The following ZNF850 variants were observed in gnomAD, a reference collection of about 807,000 sequenced individuals.
ZNF850 encodes the protein zinc finger protein 850.
ZNF850 carries 2 observed loss-of-function variants against 11.9 expected under a neutral mutation model. The observed-to-expected ratio is 0.17, with a 90% confidence interval of 0.07 to 0.53. The LOEUF (loss-of-function observed/expected upper bound fraction) is 0.53, where lower values mean the gene tolerates loss of function less well. Ranked by LOEUF, ZNF850 falls within the 20% of genes least tolerant of loss-of-function variation. ZNF850 has a pLI of 0.94. For missense variants in ZNF850, 1,014 were observed against 1,316.4 expected (o/e 0.77, Z 3.55); for synonymous variants, 381 against 443.0 (o/e 0.86, Z 1.76).
chr19:36,762,767 T>C (rs893750279), intron 1 of ZNF850, 92 bp from the exon 2 acceptor site: 53 of 700,098 alleles, frequency 7.6e-5, no homozygotes, highest in Middle Eastern at 2.4e-4. Flanking sequence ...CTAGCAAAGC[T>C]GAAAGAATAT....
In ZNF850 at chr19:36,770,703, CAAAAAAAAAAAAAAAAA is replaced by C. The variant is rs567709722; in HGVS notation, c.-70+2005_-70+2021del. Among the ~76,000 whole-genome samples, 111 of 66,610 alleles carry C rather than the reference CAAAAAAAAAAAAAAAAA, an allele frequency of 1.7e-3. 2 individuals are homozygous for C. Among genetic ancestry groups the C allele is most frequent in the Non-Finnish European group, 2.6e-3 (82 of 31,918 alleles). The allele number at this position is 66,610 out of a possible 152,430, so 43.7% of individuals were successfully genotyped here. ...TCTGGGCGACAGAGAGAGACTCCAT[CAAAAAAAAAAAAAAAAA>C]AAAAAAAAAAAAAAAAAAGCCAGCA... On this transcript the variant is annotated intron_variant, in intron 1 of 4. Coordinates refer to ENST00000591344, the MANE Select transcript of ZNF850 (RefSeq NM_001193552.2).
intron 4 of ZNF850, among the ~76,000 whole-genome samples, chr19:36,760,554 G>A (rs2040511973): frequency 6.6e-6 from 1 of 150,806 alleles, no homozygotes; most frequent in Non-Finnish European, 1.5e-5. Flanking sequence ...TTTTTTTTAA[G>A]TCAATAAATT....
In ZNF850 at chr19:36,749,194, G is replaced by A. The variant is rs1440892548; in HGVS notation, c.1846C>T (p.Pro616Ser). 6.2e-7 allele frequency: 1 copy of A among 1,604,600 alleles called. No homozygotes were observed. The highest frequency in any genetic ancestry group is 8.5e-7 in the Non-Finnish European group (1 of 1,177,204). ...TTCCCACATTCCTTACAATCATAAG[G>A]TTTCTCACCAGTGTGAATTTGCTGA... ...QHQQIHTGEK[P>S]YDCKECGKAF... Residue 616 changes from proline (P) to serine (S), a missense_variant, in exon 5 of 5, where the codon CCT becomes TCT. This residue lies in a region of ZNF850 where 835 missense variants were observed against 1,022.0 expected (regional missense o/e 0.82). Coordinates refer to ENST00000591344, the MANE Select transcript of ZNF850 (RefSeq NM_001193552.2).
chr19:36,750,631 A>C lies in ZNF850; in HGVS notation c.409T>G (p.Tyr137Asp). The change falls in exon 5 of 5, where the codon TAT becomes GAT. Residue 137 changes from tyrosine to aspartate, a missense_variant. Physicochemically the swap from Tyr to Asp is radical, Grantham distance 160. This residue lies in a region of ZNF850 where 835 missense variants were observed against 1,022.0 expected (regional missense o/e 0.82). Transcript: ENST00000591344. ...FQHQDINQER[Y>D]LEKAIMTYET... The stretch of plus-strand genomic sequence containing the variant: ...TAAGTCATTATTGCTTTTTCCAAAT[A>C]TCGCTCCTGATTTATATCTTGGTGC... The C allele has an allele frequency of 5.9e-6, 9 of 1,536,104 alleles. No individual in the cohort carries two copies. Among genetic ancestry groups the C allele is most frequent in the Non-Finnish European group, 7.8e-6 (9 of 1,146,922 alleles).
chr19:36,768,292 C>T (rs567565562), intron 1 of ZNF850, among the ~76,000 whole-genome samples: 1 of 152,018 alleles, frequency 6.6e-6, no homozygotes, highest in South Asian at 2.1e-4. Flanking sequence ...TATTCCCTCC[C>T]TATCTCCATA....
In ZNF850 at chr19:36,746,316, A is replaced by T. The variant is rs1206508190; in HGVS notation, c.*1451T>A. 3 of 152,182 alleles carry T rather than the reference A, an allele frequency of 2.0e-5. No homozygotes were observed. Among genetic ancestry groups the T allele is most frequent in the African/African-American group, 7.2e-5 (3 of 41,434 alleles). 9.4% of individuals were successfully genotyped at this position (152,182 alleles called of 1,614,324 possible). On this transcript the variant is annotated 3_prime_UTR_variant, in exon 5 of 5. Transcript: ENST00000591344. Reference sequence around the variant, plus strand: ...CACTACTTGTTTTAGGGCATCACAAACTGTGTCCATATAAGACAGCAAACT... The same window carrying T: ...CACTACTTGTTTTAGGGCATCACAATCTGTGTCCATATAAGACAGCAAACT...
chr19:36,760,238 G>A (rs1273577409), intron 4 of ZNF850, among the ~76,000 whole-genome samples: 1 of 152,086 alleles, frequency 6.6e-6, no homozygotes, highest in Non-Finnish European at 1.5e-5. Flanking sequence ...CTCAGCTCAG[G>A]AGTTCAAGAC....
In ZNF850 at chr19:36,750,936, C is replaced by T. The variant is rs566844440; in HGVS notation, c.236-132G>A. 7.1e-5 allele frequency: 71 copies of T among 1,001,526 alleles called. No homozygotes were observed. In the South Asian group the frequency reaches 1.2e-3, roughly 17 times the overall value. The allele number at this position is 1,001,526 out of a possible 1,614,324, so 62.0% of individuals were successfully genotyped here. On this transcript the variant is annotated intron_variant, in intron 4 of 4. Coordinates refer to ENST00000591344, the MANE Select transcript of ZNF850 (RefSeq NM_001193552.2). ...TAAAGATGTGTTGGGCGTGGTGGCT[C>T]ATGCCTGTAATCCCAGCGCTTTGGG...
chr19:36,756,327 G>A (rs1196144392), intron 4 of ZNF850, among the ~76,000 whole-genome samples: 1 of 152,076 alleles, frequency 6.6e-6, no homozygotes, highest in Non-Finnish European at 1.5e-5. Context: ...CTTCTATTTG[G>A]AACACATGTT....
intron 1 of ZNF850, among the ~76,000 whole-genome samples, chr19:36,763,217 G>A (rs2040529747): frequency 6.6e-6 from 1 of 151,900 alleles, no homozygotes; most frequent in African/African-American, 2.4e-5. Context: ...AGGAAGACAG[G>A]ATCTTTCAAA....
chr19:36,753,646 GA>G lies in ZNF850; in HGVS notation c.236-2843del, dbSNP rs879379768. Among the ~76,000 whole-genome samples the G allele has an allele frequency of 2.9e-3, 423 of 144,080 alleles. 1 individual carries two copies. Among genetic ancestry groups the G allele is most frequent in the South Asian group, 0.011 (52 of 4,572 alleles). 94.5% of individuals were successfully genotyped at this position (144,080 alleles called of 152,430 possible). On this transcript the variant is annotated intron_variant, in intron 4 of 4. Coordinates refer to ENST00000591344, the MANE Select transcript of ZNF850 (RefSeq NM_001193552.2). ...CCAATAATAAGAACAAAATGGACAG[GA>G]AAAAAAAAAATAGCTTACACACCAT...
At position 36,747,752 on chromosome 19, in the gene ZNF850, A is replaced by C. The variant is rs2040421167; in HGVS notation, c.*15T>G. On this transcript the variant is annotated 3_prime_UTR_variant, in exon 5 of 5. Coordinates refer to ENST00000591344, the MANE Select transcript of ZNF850 (RefSeq NM_001193552.2). ...GATCCATGACAAATGGCATGAGAAC[A>C]GTTTCCTACATTAATTATGTTAGGT... 1 of 1,479,358 alleles carries C rather than the reference A, an allele frequency of 6.8e-7. No homozygotes were observed. The highest frequency in any genetic ancestry group is 8.9e-7 in the Non-Finnish European group (1 of 1,118,354). 91.6% of individuals were successfully genotyped at this position (1,479,358 alleles called of 1,614,324 possible). A position where few individuals can be genotyped will look rare whatever the true frequency, so the allele number is the denominator to read the frequency against.
chr19:36,758,176 G>GA (rs2040498237), intron 4 of ZNF850, among the ~76,000 whole-genome samples: 1 of 151,914 alleles, frequency 6.6e-6, no homozygotes, highest in African/African-American at 2.4e-5. Flanking sequence ...ATGCCTTACA[G>GA]GTGTAGTATG....
Position 36,747,707 on chromosome 19 carries a change from C to T in ZNF850, c.*60G>A, listed in dbSNP as rs1191983207. 3.6e-6 allele frequency: 5 copies of T among 1,401,726 alleles called. No homozygotes were observed. The highest frequency in any genetic ancestry group is 4.7e-6 in the Non-Finnish European group (5 of 1,068,116). 86.8% of individuals were successfully genotyped at this position (1,401,726 alleles called of 1,614,324 possible). On this transcript the variant is annotated 3_prime_UTR_variant, in exon 5 of 5. Transcript: ENST00000591344. ...TAATACACATCCATTGTATTTGACC[C>T]ACATATGGAATCTGCTGATGATCCA...
At position 36,744,681 on chromosome 19, in the gene ZNF850, T is replaced by C. The variant is rs1304002690; in HGVS notation, c.*3086A>G. ...AGCACTCCTCCATCTTCACCCTCTC[T>C]GTATATATTTATGTTTAAATATCTC... On this transcript the variant is annotated 3_prime_UTR_variant, in exon 5 of 5. Coordinates refer to ENST00000591344, the MANE Select transcript of ZNF850 (RefSeq NM_001193552.2). 1.3e-5 allele frequency: 2 copies of C among 152,176 alleles called. No homozygotes were observed. Among genetic ancestry groups the C allele is most frequent in the African/African-American group, 4.8e-5 (2 of 41,450 alleles). 9.4% of individuals were successfully genotyped at this position (152,176 alleles called of 1,614,324 possible).
chr19:36,750,445 A>C lies in ZNF850; in HGVS notation c.595T>G (p.Cys199Gly). The change falls in exon 5 of 5, where the codon TGT becomes GGT. Residue 199 changes from cysteine (C) to glycine (G), a missense_variant. Cys to Gly is a radical substitution (Grantham distance 159, BLOSUM62 -3). Transcript: ENST00000591344. ...ETHTGEKLYK[C>G]KECGKAFHHF... ...TGAAAGGCCTTCCCACACTCCTTAC[A>C]TTTATAGAGTTTTTCACCAGTATGG... The C allele has an allele frequency of 6.5e-7, 1 of 1,536,570 alleles. No homozygotes were observed. The highest frequency in any genetic ancestry group is 1.4e-5 in the African/African-American group (1 of 73,162).
chr19:36,771,042 G>A (rs148866710), intron 1 of ZNF850, among the ~76,000 whole-genome samples: 12 of 152,272 alleles, frequency 7.9e-5, no homozygotes, highest in Middle Eastern at 3.4e-3. Context: ...CAATCCCAGG[G>A]CTATGGCGTG....
intron 4 of ZNF850, among the ~76,000 whole-genome samples, chr19:36,759,195 G>A (rs1460966867): frequency 6.6e-6 from 1 of 152,172 alleles, no homozygotes; most frequent in Non-Finnish European, 1.5e-5. Flanking sequence ...AAACACCTGG[G>A]CACAGTTGCT....
intron 1 of ZNF850, among the ~76,000 whole-genome samples, chr19:36,769,304 GAAAA>G (rs1443215508): frequency 7.4e-4 from 84 of 113,048 alleles, no homozygotes; most frequent in African/African-American, 2.6e-3. Context: ...AAGAAAGAAA[GAAAA>G]AGAAAATCAG....
Sources: allele counts gnomAD v4.1 joint callset (sites outside exome capture counted in the v4.1 genomes callset), GRCh38; gene constraint gnomAD v4.1.1; regional missense constraint gnomAD v4.1.1; transcripts MANE v1.5; gene names NCBI Gene and HGNC (gene_info 2026-07-23, HGNC 2026-07-21).